The following DMD variants were observed in gnomAD, a reference collection of about 807,000 sequenced individuals.
DMD encodes the protein dystrophin.
DMD carries 63 observed loss-of-function variants against 330.1 expected under a neutral mutation model. That is an observed-to-expected ratio of 0.19 (90% CI 0.16 to 0.24). DMD has a LOEUF of 0.24. DMD is among the 10% of genes least tolerant of loss of function. The pLI is 1.00. For missense variants in DMD, 3,344 were observed against 2,684.1 expected, an observed-to-expected ratio of 1.25 and a Z score of -5.43; for synonymous variants, 1,223 against 959.8, an observed-to-expected ratio of 1.27 and a Z score of -5.07.
chrX:33,042,906 TCAGG>T (rs2094324391), intron 1 of DMD, among the ~76,000 whole-genome samples: 1 of 111,747 alleles, frequency 8.9e-6, no homozygotes, highest in Non-Finnish European at 1.9e-5. Context: ...CATTCAGGAC[TCAGG>T]CAGACATCCT....
At chrX:32,427,079 C>T (rs750997890) in intron 29 of DMD, among the ~76,000 whole-genome samples, 1 of 111,678 alleles carries the variant, frequency 9.0e-6, no homozygotes, top group South Asian at 3.8e-4. Flanking sequence ...GTATAACAAA[C>T]CTGCATATAT....
intron 44 of DMD, among the ~76,000 whole-genome samples, chrX:32,066,798 A>G (rs1370077047): frequency 9.0e-6 from 1 of 111,257 alleles, no homozygotes; most frequent in Non-Finnish European, 1.9e-5. Flanking sequence ...TAATGCTAAC[A>G]TTTTTCGGAT....
At chrX:32,261,972 G>A (rs2097325323) in intron 43 of DMD, among the ~76,000 whole-genome samples, 1 of 111,320 alleles carries the variant, frequency 9.0e-6, no homozygotes, top group South Asian at 3.7e-4. Context: ...TCTGTACTCA[G>A]GTATTAAATC....
At chrX:31,686,776 T>G (rs1024227290) in intron 52 of DMD, among the ~76,000 whole-genome samples, 3 of 111,547 alleles carry the variant, frequency 2.7e-5, no homozygotes, top group Non-Finnish European at 5.6e-5. Flanking sequence ...GAAACGTCCC[T>G]CTATATATTG....
intron 34 of DMD, among the ~76,000 whole-genome samples, chrX:32,371,729 A>T (rs920193602): frequency 1.8e-5 from 2 of 111,126 alleles, no homozygotes; most frequent in Non-Finnish European, 3.8e-5. Flanking sequence ...AATATTGGCC[A>T]GTAATGGGAT....
intron 1 of DMD, among the ~76,000 whole-genome samples, chrX:33,118,560 A>G (rs2095404880): frequency 8.9e-6 from 1 of 112,091 alleles, no homozygotes; most frequent in African/African-American, 3.2e-5. Context: ...AGGAAAAGAA[A>G]CGTTCATCTG....
chrX:33,060,231 A>T (rs755086553), intron 1 of DMD, among the ~76,000 whole-genome samples: 2 of 111,141 alleles, frequency 1.8e-5, no homozygotes, highest in East Asian at 5.7e-4. Context: ...ATGGAAAATT[A>T]TTAAGAGGAA....
rs976119484 is a variant in DMD, at chrX:31,657,921, A to G, written c.8027+69T>C. ...AGCTGGATTGGAAAAACAAATCCTC[A>G]TGGTCCATCCAGTTTCACCACCCCA... On this transcript the variant is annotated intron_variant, in intron 54 of 78. Transcript: ENST00000357033. 1.1e-5 allele frequency: 12 copies of G among 1,102,838 alleles called. No homozygotes were observed. The African/African-American group carries it at 2.0e-4, about 18-fold the overall frequency. The allele number at this position is 1,102,838 out of a possible 1,213,427, so 90.9% of individuals were successfully genotyped here.
At chrX:32,725,960 T>C (rs188717748) in intron 7 of DMD, among the ~76,000 whole-genome samples, 1 of 110,978 alleles carries the variant, frequency 9.0e-6, no homozygotes, top group Non-Finnish European at 1.9e-5. Context: ...TCTATACATA[T>C]ATACACATAC....
At chrX:31,132,752 G>A (rs995362153) in intron 77 of DMD, among the ~76,000 whole-genome samples, 2 of 110,563 alleles carry the variant, frequency 1.8e-5, no homozygotes, top group Admixed American at 1.9e-4. Flanking sequence ...AAGTAATGAG[G>A]AGACACGTGA....
chrX:31,414,778 A>G (rs2061796336), intron 60 of DMD, among the ~76,000 whole-genome samples: 2 of 112,285 alleles, frequency 1.8e-5, no homozygotes, highest in South Asian at 7.4e-4. Context: ...TGGGATTTCT[A>G]CAATCCTTGG....
chrX:31,344,396 G>C, intron 61 of DMD, among the ~76,000 whole-genome samples: 1 of 111,562 alleles, frequency 9.0e-6, no homozygotes, highest in South Asian at 3.8e-4. Context: ...AATTGTGTTG[G>C]TAAATTTGGT....
At chrX:33,051,697 G>T (rs1246687293) in intron 1 of DMD, among the ~76,000 whole-genome samples, 1 of 95,238 alleles carries the variant, frequency 1.0e-5, no homozygotes, top group Non-Finnish European at 2.0e-5. Context: ...CCCCAGGCTG[G>T]AAGTTCAGTG....
intron 13 of DMD, among the ~76,000 whole-genome samples, chrX:32,581,199 C>A (rs1290435667): frequency 4.4e-5 from 5 of 112,408 alleles, no homozygotes; most frequent in African/African-American, 6.5e-5. Context: ...CAACTCTTGA[C>A]ATCACAACTT....
At chrX:32,411,285 C>T (rs2098140877) in intron 30 of DMD, among the ~76,000 whole-genome samples, 1 of 110,851 alleles carries the variant, frequency 9.0e-6, no homozygotes, top group African/African-American at 3.3e-5. Context: ...CGCGTGCCAA[C>T]AAACCTGGCT....
intron 41 of DMD, among the ~76,000 whole-genome samples, chrX:32,338,219 T>A (rs948268508): frequency 4.5e-5 from 5 of 111,668 alleles, no homozygotes; most frequent in Non-Finnish European, 7.5e-5. Flanking sequence ...TGATACCTTT[T>A]TGATTACTGA....
intron 41 of DMD, among the ~76,000 whole-genome samples, chrX:32,335,979 T>TGTTATATATAAC (rs1569558534): frequency 4.7e-5 from 4 of 84,898 alleles, no homozygotes; most frequent in African/African-American, 1.2e-4. Flanking sequence ...GTGTATAACA[T>TGTTATATATAAC]GTTATATATA....
Position 32,341,889 on chromosome X carries a change from G to A in DMD, c.5922+211C>T, listed in dbSNP as rs2097744999. ...TCATTTTTGATAAGGGGTTTTCCCTGTTATCTGTTAATTTCTTGTGTCTTT... is the reference window on the plus strand; with the variant it reads ...TCATTTTTGATAAGGGGTTTTCCCTATTATCTGTTAATTTCTTGTGTCTTT... On this transcript the variant is annotated intron_variant, in intron 41 of 78. Transcript: ENST00000357033. 3.6e-5 allele frequency among the ~76,000 whole-genome samples: 4 copies of A among 111,227 alleles called. No individual in the cohort carries two copies. The Admixed American group carries it at 3.8e-4, about 11-fold the overall frequency.
At chrX:33,046,821 TGAGGAGGGAATTTTAATAATGTTG>T (rs1361382339) in intron 1 of DMD, among the ~76,000 whole-genome samples, 1 of 112,119 alleles carries the variant, frequency 8.9e-6, no homozygotes, top group Admixed American at 9.5e-5. Context: ...TAAGCAAAAT[TGAGGAGGGAATTTTAATAATGTTG>T]AACATCTACA....
Sources: gnomAD v4.1 joint callset for allele counts (sites outside exome capture counted in the v4.1 genomes callset) on GRCh38, gnomAD v4.1.1 for gene constraint, MANE v1.5 for transcripts, NCBI Gene and HGNC (gene_info 2026-07-23, HGNC 2026-07-21) for gene names.